The following EBF1 variants were observed in gnomAD, a reference collection of about 807,000 sequenced individuals.
EBF1 encodes EBF transcription factor 1.
A neutral mutation model predicts 68.4 loss-of-function variants in EBF1; 10 were observed. The observed-to-expected ratio is 0.15, with a 90% CI of 0.09 to 0.25. EBF1 has a LOEUF of 0.25. Ranked by LOEUF, EBF1 falls within the 10% of genes least tolerant of loss-of-function variation. The pLI is 1.00. For missense variants in EBF1, 509 were observed against 794.4 expected, an observed-to-expected ratio of 0.64 and a Z score of 4.32; for synonymous variants, 298 against 299.8, an observed-to-expected ratio of 0.99 and a Z score of 0.06.
intron 6 of EBF1, among the ~76,000 whole-genome samples, chr5:158,961,396 A>T (rs1818160795): frequency 6.6e-6 from 1 of 152,220 alleles, no homozygotes; most frequent in Non-Finnish European, 1.5e-5. Context: ...AATTGCAAAA[A>T]ATTGAAAACT....
intron 6 of EBF1, among the ~76,000 whole-genome samples, chr5:158,958,693 A>G (rs965716899): frequency 6.6e-5 from 10 of 152,096 alleles, no homozygotes; most frequent in African/African-American, 2.4e-4. Flanking sequence ...GAAGTCACCC[A>G]GTCATTTTTA....
chr5:158,903,797 T>C (rs747478061), intron 6 of EBF1, among the ~76,000 whole-genome samples: 4 of 152,220 alleles, frequency 2.6e-5, no homozygotes, highest in Non-Finnish European at 5.9e-5. Flanking sequence ...TCTCTAATTA[T>C]GAGCAATATT....
At chr5:158,982,466 T>C (rs1487764533) in intron 6 of EBF1, among the ~76,000 whole-genome samples, 1 of 152,214 alleles carries the variant, frequency 6.6e-6, no homozygotes, top group Non-Finnish European at 1.5e-5. Flanking sequence ...ATTAACAAGA[T>C]TAAATTACCT....
chr5:159,041,654 A>ATTCAT (rs796481739), intron 6 of EBF1, among the ~76,000 whole-genome samples: 56 of 152,334 alleles, frequency 3.7e-4, no homozygotes, highest in African/African-American at 1.3e-3. Context: ...AGAGGTTGAC[A>ATTCAT]TTCAGCACAT....
chr5:158,998,257 T>A lies in EBF1; in HGVS notation c.554+75139A>T, dbSNP rs191913722. Among the ~76,000 whole-genome samples the A allele has an allele frequency of 4.0e-3, 607 of 152,304 alleles. 2 individuals carry two copies. The highest frequency in any genetic ancestry group is 4.2e-3 in the Non-Finnish European group (286 of 68,022). Reference sequence around the variant, plus strand: ...AAACACCCCATGTGTGATTGCAGAATGAACTAAACCCAATCTGTCTTGCTT... The same window carrying A: ...AAACACCCCATGTGTGATTGCAGAAAGAACTAAACCCAATCTGTCTTGCTT... On this transcript the variant is annotated intron_variant, in intron 6 of 15. Transcript: ENST00000313708.
chr5:159,049,572 C>T (rs1302496111), intron 6 of EBF1, among the ~76,000 whole-genome samples: 2 of 152,186 alleles, frequency 1.3e-5, no homozygotes, highest in African/African-American at 4.8e-5. Context: ...AATGTAAAAA[C>T]TTTCTCTTTG....
At chr5:159,075,616 CTG>C (rs1486182149) in intron 5 of EBF1, among the ~76,000 whole-genome samples, 1 of 152,202 alleles carries the variant, frequency 6.6e-6, no homozygotes, top group Admixed American at 6.5e-5. Context: ...TCCTTGGACT[CTG>C]CAGTGGCTGC....
At chr5:158,731,623 G>T (rs1764111144) in intron 10 of EBF1, among the ~76,000 whole-genome samples, 2 of 152,180 alleles carry the variant, frequency 1.3e-5, no homozygotes, top group South Asian at 4.2e-4. Context: ...AAATAAGCAT[G>T]CAAGAGGCTG....
chr5:159,077,896 G>A (rs1779070006), intron 5 of EBF1, among the ~76,000 whole-genome samples: 1 of 151,438 alleles, frequency 6.6e-6, no homozygotes, highest in Admixed American at 6.6e-5. Context: ...ATGCCAACAC[G>A]CCCGGCTAAT....
At chr5:158,786,676 C>G (rs1454225784) in intron 9 of EBF1, among the ~76,000 whole-genome samples, 2 of 152,176 alleles carry the variant, frequency 1.3e-5, no homozygotes, top group Non-Finnish European at 2.9e-5. Context: ...ATTCCCTACT[C>G]AGGCCTGGCT....
intron 11 of EBF1, among the ~76,000 whole-genome samples, chr5:158,730,770 G>C (rs1178913904): frequency 1.3e-5 from 2 of 152,150 alleles, no homozygotes; most frequent in East Asian, 1.9e-4. Flanking sequence ...GTGACCTTGA[G>C]CAAATTATTA....
intron 7 of EBF1, among the ~76,000 whole-genome samples, chr5:158,833,669 G>A (rs1048184115): frequency 7.9e-5 from 12 of 152,194 alleles, no homozygotes; most frequent in East Asian, 7.7e-4. Context: ...TGTAGAATAG[G>A]AGAGGCATAA....
chr5:158,823,040 C>T, intron 8 of EBF1, 136 bp downstream of exon 8: 2 of 1,202,128 alleles, frequency 1.7e-6, no homozygotes, highest in Non-Finnish European at 2.4e-6. Context: ...AGAGAAAAAA[C>T]CCTAGAGGAC....
At chr5:159,001,085 A>G (rs1762436439) in intron 6 of EBF1, among the ~76,000 whole-genome samples, 1 of 152,174 alleles carries the variant, frequency 6.6e-6, no homozygotes, top group Admixed American at 6.5e-5. Flanking sequence ...CAGAATGTAG[A>G]AGCAAATATG....
At chr5:158,933,632 T>C (rs918785151) in intron 6 of EBF1, among the ~76,000 whole-genome samples, 1 of 152,236 alleles carries the variant, frequency 6.6e-6, no homozygotes, top group African/African-American at 2.4e-5. Flanking sequence ...CTTGCATCTT[T>C]GTCCTGTTGC....
intron 7 of EBF1, among the ~76,000 whole-genome samples, chr5:158,838,482 A>C (rs80168439): frequency 0.045 from 6,802 of 151,814 alleles, 513 homozygotes; most frequent in East Asian, 0.31. Flanking sequence ...GAAAAAAAGA[A>C]ACATCCCCAT....
At chr5:158,723,879 C>T (rs1456353009) in intron 11 of EBF1, among the ~76,000 whole-genome samples, 1 of 152,042 alleles carries the variant, frequency 6.6e-6, no homozygotes, top group East Asian at 1.9e-4. Context: ...AACTTCTTTC[C>T]CCAGATAAAT....
intron 11 of EBF1, among the ~76,000 whole-genome samples, chr5:158,723,346 G>A (rs755846659): frequency 3.3e-5 from 5 of 152,128 alleles, no homozygotes; most frequent in Non-Finnish European, 5.9e-5. Flanking sequence ...TGGATCTGGA[G>A]TCCAATAGAC....
chr5:159,077,900 G>T lies in EBF1; in HGVS notation c.486-4436C>A, dbSNP rs112902755. Among the ~76,000 whole-genome samples, 316 of 151,530 alleles carry T rather than the reference G, an allele frequency of 2.1e-3. 2 individuals carry two copies. The highest frequency in any genetic ancestry group is 7.3e-3 in the African/African-American group (302 of 41,298). On this transcript the variant is annotated intron_variant, in intron 5 of 15. Transcript: ENST00000313708. ...ACTACAGGCAGATGCCAACACGCCC[G>T]GCTAATTTTGTGTATTTTTTGTGGA...
Sources: allele counts gnomAD v4.1 joint callset (sites outside exome capture counted in the v4.1 genomes callset), GRCh38; gene constraint gnomAD v4.1.1; transcripts MANE v1.5; gene names NCBI Gene and HGNC (gene_info 2026-07-23, HGNC 2026-07-21).